The following ODAD1 variants were observed in gnomAD, a reference collection of about 807,000 sequenced individuals.
ODAD1 encodes the protein outer dynein arm-docking complex subunit 1.
Under a neutral mutation model 67.2 loss-of-function variants are expected in ODAD1, and 49 were observed. The ratio of observed to expected loss-of-function variants is 0.73; its 90% CI spans 0.58 to 0.92. The LOEUF (loss-of-function observed/expected upper bound fraction) is 0.92, where lower values mean the gene tolerates loss of function less well. Among genes scored for constraint, ODAD1 ranks in the 40% least tolerant of loss-of-function variants. ODAD1 has a pLI of 0.00. For synonymous variants in ODAD1, 345 were observed against 393.7 expected (o/e 0.88, Z 1.46); for missense variants, 897 against 953.7 (o/e 0.94, Z 0.78).
intron 3 of ODAD1, among the ~76,000 whole-genome samples, 192 bp from the exon 4 acceptor site, chr19:48,319,004 A>G (rs1968973983): frequency 1.1e-5 from 1 of 94,372 alleles, no homozygotes; most frequent in Non-Finnish European, 2.1e-5. Flanking sequence ...CTTCATACCC[A>G]AAACTGAACT....
intron 5 of ODAD1, among the ~76,000 whole-genome samples, chr19:48,314,643 C>A (rs1431954915): frequency 1.3e-5 from 2 of 152,050 alleles, no homozygotes; most frequent in South Asian, 2.1e-4. Flanking sequence ...GCAATAAAAG[C>A]CAAATACCCA....
intron 14 of ODAD1, 163 bp downstream of exon 14, chr19:48,297,837 A>C: frequency 1.3e-6 from 1 of 797,414 alleles, no homozygotes. Flanking sequence ...CCAAGCCCCT[A>C]CTCCTTCTGG....
intron 5 of ODAD1, among the ~76,000 whole-genome samples, chr19:48,313,866 G>C (rs1448963245): frequency 6.6e-6 from 1 of 151,914 alleles, no homozygotes; most frequent in Non-Finnish European, 1.5e-5. Context: ...CTGGGTGACA[G>C]AGGGAGATCC....
intron 2 of ODAD1, 48 bp from the exon 3 acceptor site, chr19:48,320,439 G>GC: frequency 9.2e-7 from 1 of 1,089,004 alleles, no homozygotes; most frequent in South Asian, 1.4e-5. Flanking sequence ...GCGGGCCAGG[G>GC]CCCAGAGAGG....
chr19:48,320,340 G>A lies in ODAD1; in HGVS notation c.29C>T (p.Ala10Val). 7.8e-7 allele frequency: 1 copy of A among 1,289,140 alleles called. No individual in the cohort carries two copies. Among genetic ancestry groups the A allele is most frequent in the Non-Finnish European group, 1.0e-6 (1 of 988,434 alleles). 79.9% of individuals were successfully genotyped at this position (1,289,140 alleles called of 1,614,324 possible). A position where few individuals can be genotyped will look rare whatever the true frequency, so the allele number is the denominator to read the frequency against. The change falls in exon 3 of 16, where the codon GCC becomes GTC. Residue 10 changes from alanine (A) to valine (V), a missense_variant. Coordinates refer to ENST00000674294, the MANE Select transcript of ODAD1 (RefSeq NM_001364171.2). ...TGCCTCGCTTCCCTCCTCGGAGCGG[G>A]CGCTCCCTGCCAAGCGTCCCAAAGG... MPLGRLAGS[A>V]RSEEGSEAFL...
intron 7 of ODAD1, among the ~76,000 whole-genome samples, chr19:48,306,922 A>G (rs1395301086): frequency 6.6e-6 from 1 of 150,936 alleles, no homozygotes; most frequent in East Asian, 2.0e-4. Flanking sequence ...GTGGCTCACG[A>G]CTGTAATCCC....
chr19:48,319,461 A>T (rs1968984446), intron 3 of ODAD1: 1 of 984,844 alleles, frequency 1.0e-6, no homozygotes. Context: ...TATGCTCCCC[A>T]TCTCCAAAGG....
chr19:48,317,680 G>A (rs951919913), intron 5 of ODAD1, among the ~76,000 whole-genome samples: 4 of 144,852 alleles, frequency 2.8e-5, no homozygotes, highest in Non-Finnish European at 6.1e-5. Flanking sequence ...CAATAGCCCC[G>A]ATTTTTTTTT....
intron 10 of ODAD1, 171 bp downstream of exon 10, chr19:48,303,479 A>T: frequency 1.4e-6 from 1 of 724,740 alleles, no homozygotes; most frequent in Non-Finnish European, 2.3e-6. Context: ...GGGCAGAGAC[A>T]GGGCCACGGT....
At position 48,298,054 on chromosome 19, in the gene ODAD1, T is replaced by C. The variant is rs375854089; in HGVS notation, c.1448A>G (p.Gln483Arg). 1 of 1,613,184 alleles carries C rather than the reference T, an allele frequency of 6.2e-7. No individual in the cohort carries two copies. Among genetic ancestry groups the C allele is most frequent in the Non-Finnish European group, 8.5e-7 (1 of 1,179,786 alleles). ...LADAALLVLG[Q>R]SLEDLPKKMA... ...CTTCTTCGGAAGGTCCTCCAGGCTCTGGCCCAGCACTAGGAGGGCAGCGTC... is the reference window on the plus strand; with the variant it reads ...CTTCTTCGGAAGGTCCTCCAGGCTCCGGCCCAGCACTAGGAGGGCAGCGTC... The change falls in exon 14 of 16, where the codon CAG becomes CGG. Residue 483 changes from glutamine to arginine, a missense_variant. Transcript: ENST00000674294.
At chr19:48,317,510 C>G (rs759459100) in intron 5 of ODAD1, among the ~76,000 whole-genome samples, 6 of 152,130 alleles carry the variant, frequency 3.9e-5, no homozygotes, top group Non-Finnish European at 5.9e-5. Context: ...TCACAGAGCT[C>G]CGATGGCAGA....
intron 7 of ODAD1, among the ~76,000 whole-genome samples, chr19:48,306,713 T>G (rs796340256): frequency 6.4e-4 from 97 of 152,242 alleles, no homozygotes; most frequent in African/African-American, 2.0e-3. Flanking sequence ...GAGAGAAAAC[T>G]AAAACTGAAT....
intron 7 of ODAD1, among the ~76,000 whole-genome samples, chr19:48,306,775 G>A (rs550398687): frequency 6.6e-5 from 10 of 152,276 alleles, no homozygotes; most frequent in East Asian, 1.9e-4. Flanking sequence ...GGCCAGGTGC[G>A]GTGGCTCAGG....
chr19:48,303,216 G>A (rs1467698300), intron 10 of ODAD1, 121 bp from the exon 11 acceptor site: 2 of 772,686 alleles, frequency 2.6e-6, no homozygotes, highest in African/African-American at 3.4e-5. Flanking sequence ...AGGCCACACA[G>A]AAACCAAGGC....
intron 5 of ODAD1, among the ~76,000 whole-genome samples, chr19:48,314,592 A>G (rs1968850312): frequency 6.6e-6 from 1 of 152,152 alleles, no homozygotes; most frequent in African/African-American, 2.4e-5. Context: ...ATCCTTTTGA[A>G]GATGTCACAT....
At position 48,321,915 on chromosome 19, in the gene ODAD1, C is replaced by G; in HGVS notation, c.-301G>C. On this transcript the variant is annotated 5_prime_UTR_variant, in exon 1 of 16. Transcript: ENST00000674294. Reference sequence around the variant, plus strand: ...ACTACGCAAGCGCGACCAACGGCTTCCCGGGAAGCAGCCAAAAACGCTTGG... The same window carrying G: ...ACTACGCAAGCGCGACCAACGGCTTGCCGGGAAGCAGCCAAAAACGCTTGG... The G allele has an allele frequency of 2.5e-6, 1 of 397,712 alleles. No individual in the cohort carries two copies. The highest frequency in any genetic ancestry group is 3.6e-5 in the East Asian group (1 of 28,056). 24.6% of individuals were successfully genotyped at this position (397,712 alleles called of 1,614,324 possible).
At chr19:48,316,781 T>C (rs569550615) in intron 5 of ODAD1, among the ~76,000 whole-genome samples, 1 of 152,302 alleles carries the variant, frequency 6.6e-6, no homozygotes, top group East Asian at 1.9e-4. Flanking sequence ...GTGGATCACC[T>C]GAGGCCACGA....
chr19:48,310,241 GA>G (rs943765947), intron 7 of ODAD1, among the ~76,000 whole-genome samples: 3 of 150,668 alleles, frequency 2.0e-5, no homozygotes, highest in Non-Finnish European at 4.4e-5. Flanking sequence ...TATCAAAAAA[GA>G]AAAAAAAGAC....
At chr19:48,319,317 C>G (rs917658339) in intron 3 of ODAD1, 4 of 384,164 alleles carry the variant, frequency 1.0e-5, no homozygotes, top group Non-Finnish European at 1.4e-5. Context: ...CAACCCTACC[C>G]CACCCACAGC....
Sources: allele counts gnomAD v4.1 joint callset (sites outside exome capture counted in the v4.1 genomes callset), GRCh38; gene constraint gnomAD v4.1.1; transcripts MANE v1.5; gene names NCBI Gene and HGNC (gene_info 2026-07-23, HGNC 2026-07-21).